The following KCNIP4 variants were observed in gnomAD, a reference collection of about 807,000 sequenced individuals.
KCNIP4 encodes potassium voltage-gated channel interacting protein 4, also known as Kv channel-interacting protein 4.
A neutral mutation model predicts 34.0 loss-of-function variants in KCNIP4; 12 were observed. That is an observed-to-expected ratio of 0.35 (90% confidence interval 0.23 to 0.57). The LOEUF (loss-of-function observed/expected upper bound fraction) is 0.57. Ranked by LOEUF, KCNIP4 falls within the 20% of genes least tolerant of loss-of-function variation. The probability of loss-of-function intolerance (pLI) is 0.83; values close to 1 mark genes in which losing one functional copy is unlikely to be tolerated. For synonymous variants in KCNIP4, 124 were observed against 102.2 expected (o/e 1.21, Z -1.29); for missense variants, 238 against 311.7 (o/e 0.76, Z 1.78).
At chr4:21,831,374 T>C (rs1469873304) in intron 1 of KCNIP4, among the ~76,000 whole-genome samples, 1 of 151,738 alleles carries the variant, frequency 6.6e-6, no homozygotes, top group African/African-American at 2.4e-5. Flanking sequence ...ATTGGTTTTT[T>C]GAAAAGATAA....
At chr4:20,846,261 C>T (rs1210666919) in intron 3 of KCNIP4, among the ~76,000 whole-genome samples, 1 of 152,148 alleles carries the variant, frequency 6.6e-6, no homozygotes, top group Non-Finnish European at 1.5e-5. Flanking sequence ...AGAGGTCTAA[C>T]TATTTGCAAC....
intron 1 of KCNIP4, among the ~76,000 whole-genome samples, chr4:21,429,123 C>T (rs564076568): frequency 4.9e-4 from 74 of 152,236 alleles, no homozygotes; most frequent in Non-Finnish European, 7.9e-4. Context: ...ATCCTCTGTG[C>T]GCCGCCTATT....
chr4:21,802,692 T>C (rs1048633193), intron 1 of KCNIP4, among the ~76,000 whole-genome samples: 6 of 152,122 alleles, frequency 3.9e-5, no homozygotes, highest in African/African-American at 7.2e-5. Flanking sequence ...GAACATGCTT[T>C]TGAAGGAAAA....
chr4:21,538,603 CT>C (rs1737418407), intron 1 of KCNIP4, among the ~76,000 whole-genome samples: 1 of 152,126 alleles, frequency 6.6e-6, no homozygotes, highest in Non-Finnish European at 1.5e-5. Context: ...CCAGTATTTC[CT>C]TTTCCCCCCA....
At chr4:21,631,715 T>C (rs1215639612) in intron 1 of KCNIP4, among the ~76,000 whole-genome samples, 3 of 152,194 alleles carry the variant, frequency 2.0e-5, no homozygotes, top group African/African-American at 4.8e-5. Context: ...TCTGGACCAA[T>C]TGTGCTCAAT....
At chr4:21,167,257 A>G (rs1465738958) in intron 1 of KCNIP4, among the ~76,000 whole-genome samples, 2 of 152,196 alleles carry the variant, frequency 1.3e-5, no homozygotes, top group African/African-American at 4.8e-5. Context: ...TGATAGATAT[A>G]TATGTTCACT....
At chr4:20,748,544 A>G (rs1752858045) in intron 5 of KCNIP4, among the ~76,000 whole-genome samples, 1 of 141,666 alleles carries the variant, frequency 7.1e-6, no homozygotes, top group South Asian at 2.3e-4. Flanking sequence ...CCAAAAATAA[A>G]TGCACCTTCC....
chr4:21,589,244 A>ATAAG, intron 1 of KCNIP4, among the ~76,000 whole-genome samples: 1 of 105,480 alleles, frequency 9.5e-6, no homozygotes, highest in East Asian at 3.0e-4. Context: ...AGATACATAT[A>ATAAG]TACATATATG....
intron 1 of KCNIP4, among the ~76,000 whole-genome samples, chr4:21,466,339 A>G (rs34962311): frequency 2.6e-4 from 39 of 152,202 alleles, no homozygotes; most frequent in African/African-American, 8.7e-4. Context: ...TCAACACTCA[A>G]TGCTGACCAA....
At chr4:21,701,024 T>C (rs1402739670) in intron 1 of KCNIP4, among the ~76,000 whole-genome samples, 1 of 152,138 alleles carries the variant, frequency 6.6e-6, no homozygotes, top group Non-Finnish European at 1.5e-5. Flanking sequence ...AACAAATGAA[T>C]GAATAAAAAA....
chr4:21,924,073 A>G lies in KCNIP4; in HGVS notation c.61+24498T>C, dbSNP rs184130294. On this transcript the variant is annotated intron_variant, in intron 1 of 8. Transcript: ENST00000382152. ...TCCTTTTACACTTAGACCAAAAATT[A>G]TAGGTGTCAATAATCACATATCCAG... Among the ~76,000 whole-genome samples the G allele has an allele frequency of 1.6e-4, 25 of 152,292 alleles. No individual in the cohort carries two copies. In the East Asian group the frequency reaches 2.1e-3, roughly 13 times the overall value.
Position 21,682,127 on chromosome 4 carries a change from A to C in KCNIP4, c.61+266444T>G, listed in dbSNP as rs146045452. On this transcript the variant is annotated intron_variant, in intron 1 of 8. Coordinates refer to ENST00000382152, the MANE Select transcript of KCNIP4 (RefSeq NM_025221.6). Reference sequence around the variant, plus strand: ...GGCTGGTCTCGAACTCCTGACCTCAAGTGATTATGTCCATGTCAGCCTTCC... The same window carrying C: ...GGCTGGTCTCGAACTCCTGACCTCACGTGATTATGTCCATGTCAGCCTTCC... Among the ~76,000 whole-genome samples the C allele has an allele frequency of 2.7e-3, 404 of 152,200 alleles. 1 individual carries two copies. Among genetic ancestry groups the C allele is most frequent in the African/African-American group, 7.8e-3 (323 of 41,542 alleles).
intron 1 of KCNIP4, among the ~76,000 whole-genome samples, chr4:21,666,831 G>A (rs769978655): frequency 6.6e-6 from 1 of 152,132 alleles, no homozygotes; most frequent in Non-Finnish European, 1.5e-5. Context: ...GGTGAATAAG[G>A]GGGAGGAAAG....
At chr4:21,138,383 C>G (rs2109199126) in intron 1 of KCNIP4, among the ~76,000 whole-genome samples, 1 of 152,246 alleles carries the variant, frequency 6.6e-6, no homozygotes, top group South Asian at 2.1e-4. Flanking sequence ...CACAAATATG[C>G]TTTTTCATGC....
At chr4:21,653,250 G>A (rs374277035) in intron 1 of KCNIP4, among the ~76,000 whole-genome samples, 4 of 152,256 alleles carry the variant, frequency 2.6e-5, no homozygotes, top group African/African-American at 9.6e-5. Flanking sequence ...CACACTGCCT[G>A]GGTTAAAATT....
chr4:21,308,482 C>T (rs1264538825), intron 1 of KCNIP4, among the ~76,000 whole-genome samples: 1 of 152,068 alleles, frequency 6.6e-6, no homozygotes, highest in Admixed American at 6.6e-5. Flanking sequence ...AGTCAATTTC[C>T]CCCACATCCC....
chr4:20,990,181 C>T (rs963040619), intron 1 of KCNIP4, among the ~76,000 whole-genome samples: 2 of 152,120 alleles, frequency 1.3e-5, no homozygotes, highest in South Asian at 2.1e-4. Flanking sequence ...GTTATCTACC[C>T]GCAGGTGCCC....
At chr4:20,890,443 A>C (rs73095924) in intron 1 of KCNIP4, among the ~76,000 whole-genome samples, 3,093 of 152,230 alleles carry the variant, frequency 0.02, 96 homozygotes, top group African/African-American at 0.071. Flanking sequence ...ATAAGATGAA[A>C]AGGTGTCTTA....
chr4:21,035,474 A>G (rs1037666886), intron 1 of KCNIP4, among the ~76,000 whole-genome samples: 1 of 152,184 alleles, frequency 6.6e-6, no homozygotes, highest in Non-Finnish European at 1.5e-5. Context: ...CTACAAATAC[A>G]TAACAATCTT....
Sources: allele counts gnomAD v4.1 joint callset (sites outside exome capture counted in the v4.1 genomes callset), GRCh38; gene constraint gnomAD v4.1.1; transcripts MANE v1.5; gene names NCBI Gene and HGNC (gene_info 2026-07-23, HGNC 2026-07-21).